The following CD163L1 variants were observed in gnomAD, a reference collection of about 807,000 sequenced individuals.
CD163L1 encodes CD163 molecule like 1.
Under a neutral mutation model 165.4 loss-of-function variants are expected in CD163L1, and 124 were observed. The ratio of observed to expected loss-of-function variants is 0.75; its 90% CI spans 0.65 to 0.87. The LOEUF is 0.87. Ranked by LOEUF, CD163L1 falls within the 40% of genes least tolerant of loss-of-function variation. CD163L1 has a pLI of 0.00. For synonymous variants in CD163L1, 585 were observed against 662.2 expected, an observed-to-expected ratio of 0.88 and a Z score of 1.79; for missense variants, 1,525 against 1,799.9, an observed-to-expected ratio of 0.85 and a Z score of 2.76.
At chr12:7,415,353 C>T (rs1339229288) in intron 4 of CD163L1, among the ~76,000 whole-genome samples, 2 of 151,980 alleles carry the variant, frequency 1.3e-5, no homozygotes, top group Non-Finnish European at 2.9e-5. Flanking sequence ...AAGAATACTA[C>T]TACAAAAGAA....
At chr12:7,380,347 A>ATGTATGTGTGTATACGCGTATACATACG (rs1591901480) in intron 8 of CD163L1, among the ~76,000 whole-genome samples, 1 of 145,604 alleles carries the variant, frequency 6.9e-6, no homozygotes, top group Non-Finnish European at 1.5e-5. Flanking sequence ...GTATACATAC[A>ATGTATGTGTGTATACGCGTATACATACG]TGTATGTGTG....
chr12:7,430,696 A>G (rs768877748), intron 4 of CD163L1, among the ~76,000 whole-genome samples: 3 of 152,266 alleles, frequency 2.0e-5, no homozygotes, highest in Admixed American at 6.5e-5. Context: ...TGAATAGGAT[A>G]TGTTTATATT....
chr12:7,333,801 A>C, the CD163L1 span, among the ~76,000 whole-genome samples: 1 of 152,220 alleles, frequency 6.6e-6, no homozygotes, highest in Non-Finnish European at 1.5e-5. Context: ...AAAATGACAA[A>C]GGGGATATCA....
chr12:7,379,399 T>G, intron 8 of CD163L1, 101 bp from the exon 9 acceptor site: 1 of 1,195,198 alleles, frequency 8.4e-7, no homozygotes, highest in Admixed American at 2.7e-5. Flanking sequence ...TGGCCAAAAG[T>G]TGAGAGATTG....
At chr12:7,376,053 T>G in intron 9 of CD163L1, 39 bp from the exon 10 acceptor site, 1 of 1,562,192 alleles carries the variant, frequency 6.4e-7, no homozygotes, top group Non-Finnish European at 8.7e-7. Context: ...TTTAGGGTTT[T>G]CCAATATCTA....
intron 2 of CD163L1, chr12:7,440,005 AC>A: frequency 6.6e-7 from 1 of 1,508,662 alleles, no homozygotes; most frequent in Non-Finnish European, 9.0e-7. Context: ...AGCTCCGCAA[AC>A]CGCCGAGGAA....
At chr12:7,335,481 CA>C in the CD163L1 span, among the ~76,000 whole-genome samples, 2 of 152,114 alleles carry the variant, frequency 1.3e-5, no homozygotes, top group Non-Finnish European at 2.9e-5. Context: ...ACAGCTTATA[CA>C]AAAATTAATT....
At chr12:7,325,762 A>G in the CD163L1 span, among the ~76,000 whole-genome samples, 2 of 152,210 alleles carry the variant, frequency 1.3e-5, no homozygotes, top group Non-Finnish European at 2.9e-5. Flanking sequence ...CCTTAATTCT[A>G]GGAGGAAGCC....
chr12:7,363,392 C>A (rs779116715), intron 18 of CD163L1, among the ~76,000 whole-genome samples: 1 of 151,508 alleles, frequency 6.6e-6, no homozygotes, highest in African/African-American at 2.4e-5. Flanking sequence ...AAGAACAAAC[C>A]AAACCCCAAA....
At chr12:7,436,141 C>T (rs1357324862) in intron 2 of CD163L1, among the ~76,000 whole-genome samples, 7 of 151,944 alleles carry the variant, frequency 4.6e-5, no homozygotes, top group South Asian at 2.1e-4. Context: ...GGAAAACATA[C>T]GTAGAAAAAA....
chr12:7,397,589 T>C (rs1947807129), intron 7 of CD163L1, among the ~76,000 whole-genome samples: 1 of 152,148 alleles, frequency 6.6e-6, no homozygotes, highest in South Asian at 2.1e-4. Context: ...TCCACCTCTG[T>C]GTGAGAATAT....
At chr12:7,424,891 G>A (rs1012091488) in intron 4 of CD163L1, among the ~76,000 whole-genome samples, 2 of 152,106 alleles carry the variant, frequency 1.3e-5, no homozygotes, top group African/African-American at 2.4e-5. Flanking sequence ...ATTCAATACT[G>A]TGAAAATGGC....
chr12:7,439,601 CGTT>C, intron 2 of CD163L1: 1 of 1,592,588 alleles, frequency 6.3e-7, no homozygotes. Flanking sequence ...TCAAATATGT[CGTT>C]ATTTAAGGAT....
intron 4 of CD163L1, among the ~76,000 whole-genome samples, chr12:7,417,729 T>C (rs1948274303): frequency 6.6e-6 from 1 of 152,116 alleles, no homozygotes; most frequent in Non-Finnish European, 1.5e-5. Context: ...GATTTGCATA[T>C]GTTGAATCAG....
At chr12:7,438,791 T>G in intron 2 of CD163L1, 1 of 1,493,734 alleles carries the variant, frequency 6.7e-7, no homozygotes. Context: ...CTCGGCTGAG[T>G]CCATGGACCA....
chr12:7,379,159 T>G lies in CD163L1; in HGVS notation c.2190A>C (p.Gln730His). ...CCCTGATTGCAGACCCACATTCAAG[T>G]TGCCTGCAAACAACTTCAGCAATGT... ...GMNIAEVVCR[Q>H]LECGSAIRVS... is the part of the protein sequence containing the mutation. The change falls in exon 9 of 20, where the codon CAA (glutamine) becomes CAC (histidine). Residue 730 changes from glutamine (Q) to histidine (H), a missense_variant. Gln to His is a conservative substitution (Grantham distance 24, BLOSUM62 0). Coordinates refer to ENST00000313599, the MANE Select transcript of CD163L1 (RefSeq NM_174941.6). The G allele has an allele frequency of 3.7e-6, 6 of 1,614,154 alleles. No homozygotes were observed. The highest frequency in any genetic ancestry group is 5.1e-6 in the Non-Finnish European group (6 of 1,180,020).
chr12:7,424,591 TC>T (rs2136607730), intron 4 of CD163L1, among the ~76,000 whole-genome samples: 1 of 152,292 alleles, frequency 6.6e-6, no homozygotes, highest in African/African-American at 2.4e-5. Context: ...GAAAACCCCA[TC>T]GTATCAGTCC....
At chr12:7,405,898 A>G (rs1259430605) in intron 5 of CD163L1, among the ~76,000 whole-genome samples, 1 of 152,172 alleles carries the variant, frequency 6.6e-6, no homozygotes, top group African/African-American at 2.4e-5. Context: ...TGAACATAAA[A>G]TACTACTGTG....
chr12:7,373,368 C>A lies in CD163L1; in HGVS notation c.3682G>T (p.Glu1228Ter). The change falls in exon 14 of 20, where the codon GAG becomes TAG. Residue 1228 changes from glutamate (E) to a stop codon, truncating the protein, a stop_gained. Coordinates refer to ENST00000313599, the MANE Select transcript of CD163L1 (RefSeq NM_174941.6). LOFTEE classifies it high-confidence loss of function. ...TCTGCTGGGCTGGAGATTCTTCGCT[C>A]CCATGGGGCAGACAGGCACTGCCAT... ...SIWQCLSAPWERRISSPAEET... is the reference protein window; with the variant it reads ...SIWQCLSAPW 1.2e-6 allele frequency: 2 copies of A among 1,614,012 alleles called. No homozygotes were observed. Among genetic ancestry groups the A allele is most frequent in the Non-Finnish European group, 1.7e-6 (2 of 1,179,940 alleles).
Sources: allele counts gnomAD v4.1 joint callset (sites outside exome capture counted in the v4.1 genomes callset), GRCh38; gene constraint gnomAD v4.1.1; transcripts MANE v1.5; gene names NCBI Gene and HGNC (gene_info 2026-07-23, HGNC 2026-07-21).